The following PSKH1 variants were observed in gnomAD, a reference collection of about 807,000 sequenced individuals.
PSKH1 encodes serine/threonine-protein kinase H1.
In PSKH1, 12 loss-of-function variants were observed where a neutral mutation model predicts 26.7. The observed-to-expected ratio is 0.45, with a 90% confidence interval of 0.29 to 0.73. The LOEUF is 0.73. Among genes scored for constraint, PSKH1 ranks in the 30% least tolerant of loss-of-function variants. The probability of loss-of-function intolerance (pLI) is 0.11; values close to 1 mark genes in which losing one functional copy is unlikely to be tolerated. For synonymous variants in PSKH1, 213 were observed against 234.3 expected (o/e 0.91, Z 0.83); for missense variants, 431 against 595.2 (o/e 0.72, Z 2.87).
intron 2 of PSKH1, among the ~76,000 whole-genome samples, chr16:67,925,512 A>T (rs1003756048): frequency 1.3e-5 from 2 of 152,058 alleles, no homozygotes; most frequent in African/African-American, 2.4e-5. Flanking sequence ...ATCTTGAACT[A>T]CACAAGCCCC....
intron 1 of PSKH1, among the ~76,000 whole-genome samples, chr16:67,896,481 T>G (rs1447339772): frequency 6.6e-6 from 1 of 151,848 alleles, no homozygotes; most frequent in Non-Finnish European, 1.5e-5. Flanking sequence ...TTGTATTGTG[T>G]GATTTCCTCA....
In PSKH1 at chr16:67,928,697, C is replaced by G. The variant is rs966462170; in HGVS notation, c.*1055C>G. On this transcript the variant is annotated 3_prime_UTR_variant, in exon 3 of 3. Transcript: ENST00000291041. This position sits in a 1 kb window ranked among gnomAD's most constrained non-coding sequence, Gnocchi z 4.8. Reference sequence around the variant, plus strand: ...TGGGTGTTGGCAGCCTGGGAGTGATCACTGCACGCCCATCGTGCACACCTG... The same window carrying G: ...TGGGTGTTGGCAGCCTGGGAGTGATGACTGCACGCCCATCGTGCACACCTG... The G allele has an allele frequency of 6.6e-6, 1 of 152,170 alleles. No individual in the cohort carries two copies. The highest frequency in any genetic ancestry group is 2.4e-5 in the African/African-American group (1 of 41,364). 9.4% of individuals were successfully genotyped at this position (152,170 alleles called of 1,614,324 possible).
intron 2 of PSKH1, among the ~76,000 whole-genome samples, chr16:67,918,327 A>G (rs749602655): frequency 3.4e-4 from 51 of 151,884 alleles, no homozygotes; most frequent in Admixed American, 5.3e-4. Flanking sequence ...CCAGTCTCTG[A>G]GCTGTGGGTG....
rs553942088 is a variant in PSKH1 at position 67,897,865 on chromosome 16, T to A, written c.-71+4494T>A. Among the ~76,000 whole-genome samples the A allele has an allele frequency of 6.6e-5, 10 of 152,014 alleles. No individual in the cohort carries two copies. In the South Asian group the frequency reaches 2.1e-3, roughly 32 times the overall value. On this transcript the variant is annotated intron_variant, in intron 1 of 2. Transcript: ENST00000291041. ...TCACACCCAGCTAATTTTGTTTTTTTGAGACGGAGTCTTGCTTTGTTGCCC... is the reference window on the plus strand; with the variant it reads ...TCACACCCAGCTAATTTTGTTTTTTAGAGACGGAGTCTTGCTTTGTTGCCC...
chr16:67,898,998 A>G (rs2058134298), intron 1 of PSKH1, among the ~76,000 whole-genome samples: 1 of 152,124 alleles, frequency 6.6e-6, no homozygotes, highest in East Asian at 1.9e-4. Flanking sequence ...TTGCTTGGAG[A>G]GGGCAAGGTT....
In PSKH1 at chr16:67,906,371, CT is replaced by C. The variant is rs55856995; in HGVS notation, c.-70-2296del. On this transcript the variant is annotated intron_variant, in intron 1 of 2. Transcript: ENST00000291041. The stretch of plus-strand genomic sequence containing the variant: ...ACAGGCGTGAGCCTCCGCGCCCAGC[CT>C]TTTTTTTTTTTTCTTTTAAGACAGA... 5.0e-3 allele frequency among the ~76,000 whole-genome samples: 684 copies of C among 136,442 alleles called. 2 individuals are homozygous for C. Among genetic ancestry groups the C allele is most frequent in the Non-Finnish European group, 6.6e-3 (418 of 63,436 alleles). The allele number at this position is 136,442 out of a possible 152,430, so 89.5% of individuals were successfully genotyped here. A position where few individuals can be genotyped will look rare whatever the true frequency, so the allele number is the denominator to read the frequency against.
At chr16:67,910,416 T>C (rs2058170229) in intron 2 of PSKH1, among the ~76,000 whole-genome samples, 1 of 152,242 alleles carries the variant, frequency 6.6e-6, no homozygotes, top group African/African-American at 2.4e-5. Context: ...TTCTCATCAC[T>C]GTCCAGTTTC....
intron 2 of PSKH1, among the ~76,000 whole-genome samples, chr16:67,923,590 C>T (rs1221065203): frequency 1.3e-5 from 2 of 152,236 alleles, no homozygotes; most frequent in African/African-American, 2.4e-5. Context: ...AGCCAGCTGA[C>T]ATCTTAGTGT....
chr16:67,917,298 T>A (rs1286688102), intron 2 of PSKH1, among the ~76,000 whole-genome samples: 4 of 152,260 alleles, frequency 2.6e-5, no homozygotes, highest in Middle Eastern at 3.4e-3. Flanking sequence ...GGCTTCAGAG[T>A]TCTTGGCCTG....
Position 67,909,576 on chromosome 16 carries a change from A to G in PSKH1, c.827A>G (p.Asn276Ser), listed in dbSNP as rs760740011. 12 of 1,613,878 alleles carry G rather than the reference A, an allele frequency of 7.4e-6. No individual in the cohort carries two copies. The East Asian group carries it at 2.5e-4, about 33-fold the overall frequency. The change falls in exon 2 of 3, where the codon AAC (asparagine) becomes AGC (serine). Residue 276 changes from asparagine to serine, a missense_variant. Asn to Ser is a conservative substitution (Grantham distance 46). Transcript: ENST00000291041. The surrounding 1 kb of genome is among the most constrained non-coding windows in gnomAD (Gnocchi z 7.8). ...GTCCTGGTCCGCAAGCCATACACCA[A>G]CTCAGTGGACATGTGGGCGCTGGGC... ...PEVLVRKPYT[N>S]SVDMWALGVI...
chr16:67,897,144 A>T (rs1285599150), intron 1 of PSKH1, among the ~76,000 whole-genome samples: 1 of 151,764 alleles, frequency 6.6e-6, no homozygotes, highest in African/African-American at 2.4e-5. Flanking sequence ...GTCTCCACTG[A>T]CTCCCGGGTG....
At chr16:67,902,343 C>G (rs570257458) in intron 1 of PSKH1, among the ~76,000 whole-genome samples, 87 of 152,242 alleles carry the variant, frequency 5.7e-4, no homozygotes, top group African/African-American at 2.0e-3. Flanking sequence ...ATCTCTCACC[C>G]AGGCTGGAGT....
At chr16:67,919,405 G>A (rs1424820805) in intron 2 of PSKH1, among the ~76,000 whole-genome samples, 3 of 152,194 alleles carry the variant, frequency 2.0e-5, no homozygotes, top group Non-Finnish European at 4.4e-5. Context: ...TTTGCTATGA[G>A]GCATCTGTCC....
intron 2 of PSKH1, among the ~76,000 whole-genome samples, chr16:67,923,084 C>T (rs1208068479): frequency 5.3e-5 from 8 of 152,144 alleles, no homozygotes; most frequent in Non-Finnish European, 2.9e-5. Flanking sequence ...GGTCCTCAGG[C>T]GGGAGCGGAA....
chr16:67,922,479 G>A (rs1344875703), intron 2 of PSKH1, among the ~76,000 whole-genome samples: 1 of 152,178 alleles, frequency 6.6e-6, no homozygotes. Context: ...TAGAAGCACT[G>A]TGGTGGGGCC....
At chr16:67,913,594 A>C (rs2058179097) in intron 2 of PSKH1, among the ~76,000 whole-genome samples, 1 of 152,072 alleles carries the variant, frequency 6.6e-6, no homozygotes, top group African/African-American at 2.4e-5. Flanking sequence ...CTGTGAAGTG[A>C]GTGGCTGGAA....
At chr16:67,923,859 G>A (rs2058209587) in intron 2 of PSKH1, among the ~76,000 whole-genome samples, 1 of 152,210 alleles carries the variant, frequency 6.6e-6, no homozygotes, top group Admixed American at 6.5e-5. Flanking sequence ...GTCAGCCCTT[G>A]GCTGACACAC....
At chr16:67,916,090 A>T (rs992341425) in intron 2 of PSKH1, among the ~76,000 whole-genome samples, 2 of 152,182 alleles carry the variant, frequency 1.3e-5, no homozygotes, top group African/African-American at 4.8e-5. Flanking sequence ...CACCCACTCC[A>T]GCCATCTGTC....
intron 2 of PSKH1, among the ~76,000 whole-genome samples, chr16:67,918,143 A>G (rs1024737646): frequency 6.6e-6 from 1 of 152,324 alleles, no homozygotes; most frequent in South Asian, 2.1e-4. Context: ...AGAGTCTGTG[A>G]TTCACTTGAC....
Sources: gnomAD v4.1 joint callset for allele counts (sites outside exome capture counted in the v4.1 genomes callset) on GRCh38, gnomAD v4.1.1 for gene constraint, Gnocchi (gnomAD v3.1) non-coding constraint, MANE v1.5 for transcripts, NCBI Gene and HGNC (gene_info 2026-07-23, HGNC 2026-07-21) for gene names.